The following VLDLR variants were observed in gnomAD, a reference collection of about 807,000 sequenced individuals.
VLDLR encodes the protein very low density lipoprotein receptor.
A neutral mutation model predicts 112.7 loss-of-function variants in VLDLR; 81 were observed. That is an observed-to-expected ratio of 0.72 (90% CI 0.60 to 0.86). The LOEUF (loss-of-function observed/expected upper bound fraction) is 0.86, where lower values mean the gene tolerates loss of function less well. VLDLR is among the 40% of genes least tolerant of loss of function. VLDLR has a pLI of 0.00. For missense variants in VLDLR, 1,237 were observed against 1,099.4 expected (o/e 1.13, Z -1.77); for synonymous variants, 436 against 384.8 (o/e 1.13, Z -1.56).
In VLDLR at chr9:2,654,763, G is replaced by A. The variant is rs1456125038; in HGVS notation, c.*895G>A. On this transcript the variant is annotated 3_prime_UTR_variant, in exon 19 of 19. Coordinates refer to ENST00000382100, the MANE Select transcript of VLDLR (RefSeq NM_003383.5). ...TTCCATTAACTTGTTTCCTGATCGA[G>A]AAACACGTGCTAAGATTTCTATGAA... The A allele has an allele frequency of 6.6e-6, 1 of 152,136 alleles. No homozygotes were observed. Among genetic ancestry groups the A allele is most frequent in the Non-Finnish European group, 1.5e-5 (1 of 68,020 alleles). The allele number at this position is 152,136 out of a possible 1,614,324, so 9.4% of individuals were successfully genotyped here. A position where few individuals can be genotyped will look rare whatever the true frequency, so the allele number is the denominator to read the frequency against.
In VLDLR at chr9:2,655,429, T is replaced by C. The variant is rs1818558717; in HGVS notation, c.*1561T>C. ...GTGTGTCACAAGTGAGGTGGAGAGT[T>C]GGCTGTGGAAGGTACAGCAATTCCT... On this transcript the variant is annotated 3_prime_UTR_variant, in exon 19 of 19. Transcript: ENST00000382100. 6.6e-6 allele frequency: 1 copy of C among 152,154 alleles called. No individual in the cohort carries two copies. Among genetic ancestry groups the C allele is most frequent in the South Asian group, 2.1e-4 (1 of 4,826 alleles). The allele number at this position is 152,154 out of a possible 1,614,324, so 9.4% of individuals were successfully genotyped here.
chr9:2,648,531 T>C, intron 13 of VLDLR, 138 bp from the exon 14 acceptor site: 1 of 1,529,496 alleles, frequency 6.5e-7, no homozygotes, highest in Non-Finnish European at 9.0e-7. Flanking sequence ...ACTTGATTCT[T>C]TTACAGTTTT....
chr9:2,644,990 G>A lies in VLDLR; in HGVS notation c.1220G>A (p.Ser407Asn). ...GAATGCCAAAATCCAGGAATCTGCA[G>A]TCAAATTTGTATCAACTTAAAAGGC... is the stretch of plus-strand genomic sequence containing the variant. ...IDECQNPGIC[S>N]QICINLKGGY... The change falls in exon 9 of 19, where the codon AGT becomes AAT. Residue 407 changes from serine to asparagine, a missense_variant. By Grantham distance (46) the Ser-to-Asn change is conservative. Coordinates refer to ENST00000382100, the MANE Select transcript of VLDLR (RefSeq NM_003383.5). 1.2e-6 allele frequency: 2 copies of A among 1,614,202 alleles called. No homozygotes were observed. Among genetic ancestry groups the A allele is most frequent in the Non-Finnish European group, 1.7e-6 (2 of 1,180,036 alleles).
chr9:2,643,171 T>C lies in VLDLR; in HGVS notation c.460T>C (p.Cys154Arg). The change falls in exon 5 of 19, where the codon TGT (cysteine) becomes CGT (arginine). Residue 154 changes from cysteine to arginine, a missense_variant. Physicochemically the swap from Cys to Arg is radical, Grantham distance 180. Transcript: ENST00000382100. The part of the protein sequence containing the change: ...EDEENCGNIT[C>R]SPDEFTCSSG... ...CTCTCTCTTAATAGGCAATATAACA[T>C]GTAGTCCCGACGAGTTCACCTGCTC... 3 of 1,611,812 alleles carry C rather than the reference T, an allele frequency of 1.9e-6. No individual in the cohort carries two copies. Among genetic ancestry groups the C allele is most frequent in the Non-Finnish European group, 2.5e-6 (3 of 1,180,034 alleles).
At chr9:2,648,173 G>C (rs374191330) in intron 12 of VLDLR, 35 bp from the exon 13 acceptor site, 5 of 1,612,568 alleles carry the variant, frequency 3.1e-6, no homozygotes, top group Non-Finnish European at 4.2e-6. Flanking sequence ...AGTAGTAGTG[G>C]CTTGTCATGT....
rs1177933199 is a variant in VLDLR, at chr9:2,648,725, C to G, written c.2019C>G (p.Phe673Leu). The change falls in exon 14 of 19, where the codon TTC becomes TTG. Residue 673 changes from phenylalanine (F) to leucine (L), a missense_variant. Coordinates refer to ENST00000382100, the MANE Select transcript of VLDLR (RefSeq NM_003383.5). Reference protein sequence around the residue: ...ENEAVYGANKFTGSELATLVN... With the variant: ...ENEAVYGANKLTGSELATLVN... ...AAGCAGTCTATGGTGCCAATAAATT[C>G]ACTGGATCAGAGCTAGCCACTCTAG... The G allele has an allele frequency of 6.2e-7, 1 of 1,614,186 alleles. No homozygotes were observed. The highest frequency in any genetic ancestry group is 1.3e-5 in the African/African-American group (1 of 75,042).
chr9:2,646,319 C>A lies in VLDLR; in HGVS notation c.1485-15C>A. 1 of 1,612,956 alleles carries A rather than the reference C, an allele frequency of 6.2e-7. No homozygotes were observed. Among genetic ancestry groups the A allele is most frequent in the African/African-American group, 1.3e-5 (1 of 75,018 alleles). ...TGTCAAACTCTTAAATTTCTTGTGA[C>A]CTATTCTGTTTCAGTGCCTCAATTG... On this transcript the variant is annotated splice_polypyrimidine_tract_variant and intron_variant, in intron 10 of 18. Transcript: ENST00000382100.
rs376570793 is a variant in VLDLR, at chr9:2,649,579, A to G, written c.2104+769A>G. ...GCTAAACTTTGTATCTTTAGTAGAG[A>G]TGGGGTTTCACCATGTTGGCCAGAC... On this transcript the variant is annotated intron_variant, in intron 14 of 18. Coordinates refer to ENST00000382100, the MANE Select transcript of VLDLR (RefSeq NM_003383.5). Among the ~76,000 whole-genome samples, 31 of 152,204 alleles carry G rather than the reference A, an allele frequency of 2.0e-4. 1 individual carries two copies. The East Asian group carries it at 2.7e-3, about 13-fold the overall frequency.
At chr9:2,652,357 A>T (rs1407140594) in intron 17 of VLDLR, among the ~76,000 whole-genome samples, 1 of 152,256 alleles carries the variant, frequency 6.6e-6, no homozygotes, top group Non-Finnish European at 1.5e-5. Context: ...AATTAAAAGC[A>T]GTTAAGAATT....
chr9:2,622,076 C>T lies in VLDLR; in HGVS notation c.-114C>T. The stretch of plus-strand genomic sequence containing the variant: ...CCGCCAACTCCTTCCCCTCCTTCTC[C>T]CCCTTTCCCCTCCCCGCCCCCACCT... On this transcript the variant is annotated 5_prime_UTR_variant, in exon 1 of 19. Coordinates refer to ENST00000382100, the MANE Select transcript of VLDLR (RefSeq NM_003383.5). The T allele has an allele frequency of 9.4e-7, 1 of 1,064,178 alleles. No individual in the cohort carries two copies. Among genetic ancestry groups the T allele is most frequent in the Non-Finnish European group, 1.3e-6 (1 of 768,900 alleles). The allele number at this position is 1,064,178 out of a possible 1,614,324, so 65.9% of individuals were successfully genotyped here. A position where few individuals can be genotyped will look rare whatever the true frequency, so the allele number is the denominator to read the frequency against.
chr9:2,640,687 AAC>A lies in VLDLR; in HGVS notation c.326-686_326-685del, dbSNP rs972592859. Among the ~76,000 whole-genome samples, 131 of 152,326 alleles carry A rather than the reference AAC, an allele frequency of 8.6e-4. 1 individual carries two copies. The highest frequency in any genetic ancestry group is 3.0e-3 in the African/African-American group (124 of 41,564). ...GAAACACTAAAAAAGGACTAACATG[AAC>A]ACAGTTTAGGTCTAAAGTGTGATTA... On this transcript the variant is annotated intron_variant, in intron 3 of 18. Transcript: ENST00000382100.
intron 1 of VLDLR, among the ~76,000 whole-genome samples, chr9:2,631,174 C>G (rs976524144): frequency 2.6e-5 from 4 of 152,124 alleles, no homozygotes; most frequent in African/African-American, 9.7e-5. Flanking sequence ...ACAGATGTTG[C>G]TGAGGATATG....
At chr9:2,640,481 T>A (rs533480681) in intron 3 of VLDLR, among the ~76,000 whole-genome samples, 1 of 152,308 alleles carries the variant, frequency 6.6e-6, no homozygotes, top group Non-Finnish European at 1.5e-5. Context: ...AAAATGGAGA[T>A]CTTACAGCAT....
intron 14 of VLDLR, among the ~76,000 whole-genome samples, chr9:2,650,051 C>T (rs199686137): frequency 2.0e-5 from 3 of 152,184 alleles, no homozygotes; most frequent in African/African-American, 2.4e-5. Flanking sequence ...TGAGCCTTCA[C>T]GCTAAACCTC....
rs1818674097 is a variant in VLDLR at position 2,658,202 on chromosome 9, C to A, written c.*4334C>A. Reference sequence around the variant, plus strand: ...ACACAGGAAAGCTGAATGCATTTTACCAGTGAGGCTCTAGATATGAAACTT... The same window carrying A: ...ACACAGGAAAGCTGAATGCATTTTAACAGTGAGGCTCTAGATATGAAACTT... On this transcript the variant is annotated 3_prime_UTR_variant, in exon 19 of 19. Transcript: ENST00000382100. 1 of 152,178 alleles carries A rather than the reference C, an allele frequency of 6.6e-6. No individual in the cohort carries two copies. The highest frequency in any genetic ancestry group is 1.5e-5 in the Non-Finnish European group (1 of 68,042). 9.4% of individuals were successfully genotyped at this position (152,178 alleles called of 1,614,324 possible).
intron 1 of VLDLR, among the ~76,000 whole-genome samples, chr9:2,625,459 A>G (rs1817049296): frequency 6.6e-6 from 1 of 152,230 alleles, no homozygotes; most frequent in African/African-American, 2.4e-5. Flanking sequence ...TGTTTAAGAC[A>G]AGGCAGTTGC....
chr9:2,651,393 G>T, intron 15 of VLDLR, 22 bp from the exon 16 acceptor site: 1 of 1,608,522 alleles, frequency 6.2e-7, no homozygotes, highest in Non-Finnish European at 8.5e-7. Flanking sequence ...CATTAACCAG[G>T]TTCTTGGTTT....
Position 2,646,405 on chromosome 9 carries a change from C to T in VLDLR, c.1556C>T (p.Ala519Val). ...IDNVYNPAAIAVDWVYKTIYW... is the reference protein window; with the variant it reads ...IDNVYNPAAIVVDWVYKTIYW... Reference sequence around the variant, plus strand: ...AATGTCTATAATCCTGCAGCCATTGCTGTTGATTGGGTGTACAAGACCATC... The same window carrying T: ...AATGTCTATAATCCTGCAGCCATTGTTGTTGATTGGGTGTACAAGACCATC... Residue 519 changes from alanine to valine, a missense_variant, in exon 11 of 19, where the codon GCT becomes GTT. Transcript: ENST00000382100. 1 of 1,614,150 alleles carries T rather than the reference C, an allele frequency of 6.2e-7. No homozygotes were observed. Among genetic ancestry groups the T allele is most frequent in the Non-Finnish European group, 8.5e-7 (1 of 1,180,022 alleles).
chr9:2,626,229 C>G (rs983909544), intron 1 of VLDLR, among the ~76,000 whole-genome samples: 2 of 152,338 alleles, frequency 1.3e-5, no homozygotes, highest in East Asian at 1.9e-4. Flanking sequence ...GGACCCAAGT[C>G]TAAACATGAA....
Sources: gnomAD v4.1 joint callset for allele counts (sites outside exome capture counted in the v4.1 genomes callset) on GRCh38, gnomAD v4.1.1 for gene constraint, MANE v1.5 for transcripts, NCBI Gene and HGNC (gene_info 2026-07-23, HGNC 2026-07-21) for gene names.